TRAPPC8: variants seen among roughly 807,000 people sequenced by gnomAD.
TRAPPC8 encodes the protein general sporulation gene 1 homolog.
TRAPPC8 carries 54 observed loss-of-function variants against 174.3 expected under a neutral mutation model. The observed-to-expected ratio is 0.31, with a 90% confidence interval of 0.25 to 0.39. The LOEUF is 0.39. Ranked by LOEUF, TRAPPC8 falls within the 10% of genes least tolerant of loss-of-function variation. The pLI is 1.00. For synonymous variants in TRAPPC8, 630 were observed against 579.9 expected, an observed-to-expected ratio of 1.09 and a Z score of -1.24; for missense variants, 1,531 against 1,699.1, an observed-to-expected ratio of 0.90 and a Z score of 1.74.
intron 15 of TRAPPC8, 76 bp downstream of exon 15, chr18:31,870,850 G>A (rs2034821071): frequency 7.7e-7 from 1 of 1,296,832 alleles, no homozygotes; most frequent in Non-Finnish European, 1.0e-6. Context: ...AATTATGTGT[G>A]CCAAACAATA....
chr18:31,849,497 C>A, intron 25 of TRAPPC8, 69 bp downstream of exon 25: 1 of 1,272,488 alleles, frequency 7.9e-7, no homozygotes, highest in South Asian at 2.2e-5. Context: ...TAGTAATATA[C>A]GTTTGTGCTT....
chr18:31,863,297 G>A (rs2034425531), intron 19 of TRAPPC8, among the ~76,000 whole-genome samples: 3 of 152,282 alleles, frequency 2.0e-5, no homozygotes, highest in African/African-American at 4.8e-5. Flanking sequence ...TAGTTTTGCT[G>A]AAGGTTATTT....
At chr18:31,871,186 G>T in intron 14 of TRAPPC8, 66 bp from the exon 15 acceptor site, 4 of 941,762 alleles carry the variant, frequency 4.2e-6, no homozygotes, top group South Asian at 2.4e-5. Flanking sequence ...ATTTTAAATA[G>T]ACATAAGGTA....
intron 20 of TRAPPC8, 27 bp downstream of exon 20, chr18:31,857,513 A>T (rs768405022): frequency 3.9e-6 from 6 of 1,519,002 alleles, no homozygotes; most frequent in Admixed American, 4.3e-5. Flanking sequence ...CATAGATGTT[A>T]AATTTTATAA....
chr18:31,893,684 C>T (rs1664820073), intron 11 of TRAPPC8, among the ~76,000 whole-genome samples: 1 of 151,984 alleles, frequency 6.6e-6, no homozygotes, highest in South Asian at 2.1e-4. Flanking sequence ...TTTTAATAGC[C>T]ATATTTTAAT....
chr18:31,927,728 A>G (rs1219131472), intron 2 of TRAPPC8, among the ~76,000 whole-genome samples: 1 of 152,218 alleles, frequency 6.6e-6, no homozygotes, highest in East Asian at 1.9e-4. Context: ...TAACAGGTAT[A>G]TGGGCTTTGG....
intron 12 of TRAPPC8, among the ~76,000 whole-genome samples, chr18:31,881,790 A>G (rs1379356246): frequency 1.3e-5 from 2 of 152,022 alleles, no homozygotes; most frequent in African/African-American, 4.8e-5. Context: ...TTAAATCAAG[A>G]AAAAAAATCA....
intron 12 of TRAPPC8, among the ~76,000 whole-genome samples, chr18:31,876,491 A>G (rs1311467932): frequency 1.9e-5 from 2 of 107,046 alleles, no homozygotes; most frequent in East Asian, 4.9e-4. Flanking sequence ...CTCCATCTCA[A>G]AAAAAAAAAA....
chr18:31,883,762 G>C (rs892366067), intron 12 of TRAPPC8: 2 of 152,200 alleles, frequency 1.3e-5, no homozygotes, highest in Non-Finnish European at 2.9e-5. Context: ...CCCAAAAGTG[G>C]TAACAGTTCT....
At chr18:31,868,655 C>T (rs1172502652) in intron 16 of TRAPPC8, among the ~76,000 whole-genome samples, 2 of 151,854 alleles carry the variant, frequency 1.3e-5, no homozygotes, top group African/African-American at 4.8e-5. Context: ...CAAATTTAAC[C>T]AGCAAGACTT....
At chr18:31,880,103 ATATATATATATATATATATTT>A (rs2035360274) in intron 12 of TRAPPC8, among the ~76,000 whole-genome samples, 1 of 86,860 alleles carries the variant, frequency 1.2e-5, no homozygotes, top group Admixed American at 1.0e-4. Context: ...ATATATATAT[ATATATATATATATATATATTT>A]TTTTTTTTTT....
At chr18:31,836,322 G>T (rs929806361) in intron 27 of TRAPPC8, among the ~76,000 whole-genome samples, 7 of 152,104 alleles carry the variant, frequency 4.6e-5, no homozygotes, top group Non-Finnish European at 7.4e-5. Flanking sequence ...TTTGATTTTG[G>T]AATGCTTCAT....
chr18:31,913,271 T>C, intron 5 of TRAPPC8, 98 bp downstream of exon 5: 1 of 1,334,160 alleles, frequency 7.5e-7, no homozygotes, highest in Non-Finnish European at 1.0e-6. Flanking sequence ...ACTGACCAGA[T>C]TCCACACAAT....
At chr18:31,936,007 G>A (rs1315020724) in intron 1 of TRAPPC8, among the ~76,000 whole-genome samples, 1 of 151,900 alleles carries the variant, frequency 6.6e-6, no homozygotes, top group African/African-American at 2.4e-5. Context: ...AAAGTGCTGG[G>A]ATTACAGGCG....
intron 16 of TRAPPC8, 120 bp downstream of exon 16, chr18:31,870,252 A>G: frequency 1.1e-6 from 1 of 895,022 alleles, no homozygotes. Flanking sequence ...AATTTTTATA[A>G]CTAAGGAAAA....
intron 2 of TRAPPC8, among the ~76,000 whole-genome samples, chr18:31,925,922 T>G (rs185152431): frequency 4.0e-4 from 61 of 152,262 alleles, no homozygotes; most frequent in Admixed American, 8.5e-4. Flanking sequence ...CTCAAAAATT[T>G]TATTTTCCAT....
At chr18:31,879,455 A>T (rs2035312723) in intron 12 of TRAPPC8, among the ~76,000 whole-genome samples, 2 of 152,170 alleles carry the variant, frequency 1.3e-5, no homozygotes, top group African/African-American at 2.4e-5. Context: ...ACATATCAAT[A>T]CCTCTTGGAT....
intron 27 of TRAPPC8, among the ~76,000 whole-genome samples, chr18:31,836,512 T>C (rs962634255): frequency 2.0e-5 from 3 of 152,296 alleles, no homozygotes; most frequent in Non-Finnish European, 2.9e-5. Flanking sequence ...AGAAAGTACA[T>C]GAAGCAGGAC....
chr18:31,912,962 T>C (rs1365687096), intron 5 of TRAPPC8, among the ~76,000 whole-genome samples: 1 of 152,042 alleles, frequency 6.6e-6, no homozygotes, highest in East Asian at 1.9e-4. Flanking sequence ...ACCTCACCTC[T>C]ACTAAAAATA....
Sources: allele counts gnomAD v4.1 joint callset (sites outside exome capture counted in the v4.1 genomes callset), GRCh38; gene constraint gnomAD v4.1.1; transcripts MANE v1.5; gene names NCBI Gene and HGNC (gene_info 2026-07-23, HGNC 2026-07-21).